Variants in EPS15L1 observed in about 807,000 individuals in gnomAD.
The protein encoded by EPS15L1 is epidermal growth factor receptor substrate 15-like 1.
In EPS15L1, 43 loss-of-function variants were observed where a neutral mutation model predicts 117.1. That is an observed-to-expected ratio of 0.37 (90% CI 0.29 to 0.47). EPS15L1 has a LOEUF of 0.47. Among genes scored for constraint, EPS15L1 ranks in the 20% least tolerant of loss-of-function variants. The pLI is 0.99. For missense variants in EPS15L1, 981 were observed against 1,164.0 expected (o/e 0.84, Z 2.29); for synonymous variants, 459 against 470.5 (o/e 0.98, Z 0.32).
At chr19:16,417,739 G>T in intron 11 of EPS15L1, 102 bp from the exon 12 acceptor site, 2 of 1,186,196 alleles carry the variant, frequency 1.7e-6, no homozygotes, top group Non-Finnish European at 2.5e-6. Flanking sequence ...TGTCCCTTTA[G>T]TACACAGGGT....
chr19:16,456,393 A>G (rs1168926323), intron 1 of EPS15L1, among the ~76,000 whole-genome samples: 3 of 152,000 alleles, frequency 2.0e-5, no homozygotes, highest in Non-Finnish European at 4.4e-5. Flanking sequence ...GTGGTGGCTC[A>G]CGCCTGTAAT....
At chr19:16,451,127 T>C (rs2093137657) in intron 1 of EPS15L1, among the ~76,000 whole-genome samples, 1 of 151,796 alleles carries the variant, frequency 6.6e-6, no homozygotes, top group Non-Finnish European at 1.5e-5. Flanking sequence ...GTTTTTATAC[T>C]TTTAGTAGAG....
intron 16 of EPS15L1, among the ~76,000 whole-genome samples, chr19:16,397,913 A>C (rs904282885): frequency 4.6e-5 from 7 of 152,196 alleles, no homozygotes; most frequent in African/African-American, 1.4e-4. Context: ...TATTAAAAAA[A>C]CAGCACAACA....
chr19:16,392,471 T>C (rs369267736), intron 18 of EPS15L1, 31 bp from the exon 19 acceptor site: 2 of 1,600,134 alleles, frequency 1.2e-6, no homozygotes, highest in African/African-American at 1.3e-5. Flanking sequence ...TAAGTAAACA[T>C]TATACCAAGT....
intron 7 of EPS15L1, among the ~76,000 whole-genome samples, chr19:16,432,241 C>T (rs1400219018): frequency 3.9e-5 from 6 of 152,068 alleles, no homozygotes; most frequent in African/African-American, 1.4e-4. Flanking sequence ...CAAGACTAGC[C>T]TGACCAACAT....
chr19:16,399,193 C>T (rs2092571713), intron 16 of EPS15L1, among the ~76,000 whole-genome samples: 1 of 152,074 alleles, frequency 6.6e-6, no homozygotes, highest in African/African-American at 2.4e-5. Context: ...AGCCTGAGAC[C>T]CCAGCAGGAT....
intron 17 of EPS15L1, among the ~76,000 whole-genome samples, chr19:16,394,264 G>C (rs1239714622): frequency 2.0e-5 from 3 of 152,208 alleles, no homozygotes; most frequent in Non-Finnish European, 4.4e-5. Flanking sequence ...ACACAGACTG[G>C]AGTTGGGGAA....
Position 16,402,362 on chromosome 19 carries a change from C to G in EPS15L1, c.1750G>C (p.Glu584Gln). The G allele has an allele frequency of 6.2e-7, 1 of 1,613,928 alleles. No individual in the cohort carries two copies. Among genetic ancestry groups the G allele is most frequent in the Non-Finnish European group, 8.5e-7 (1 of 1,179,922 alleles). ...ASLTDLANLS[E>Q]GVSLAERGSF... ...CCCCTCTCTGCCAGGGAGACGCCTT[C>G]GCTCAGGTTGGCCAGGTCGGTCAGG... is the stretch of plus-strand genomic sequence containing the variant. Residue 584 changes from glutamate to glutamine, a missense_variant, in exon 16 of 24, where the codon GAA becomes CAA. By Grantham distance (29) the Glu-to-Gln change is conservative. This residue lies in a region of EPS15L1 where 819 missense variants were observed against 949.0 expected (regional missense o/e 0.86). Coordinates refer to ENST00000455140, the MANE Select transcript of EPS15L1 (RefSeq NM_001258374.3).
intron 12 of EPS15L1, among the ~76,000 whole-genome samples, chr19:16,414,308 C>T (rs1315499366): frequency 6.6e-6 from 1 of 152,136 alleles, no homozygotes; most frequent in African/African-American, 2.4e-5. Context: ...GAAACAGATT[C>T]TTCCCCTAGA....
Position 16,437,851 on chromosome 19 carries a change from T to G in EPS15L1, c.228A>C (p.Ala76=), listed in dbSNP as rs1026936417. The G allele has an allele frequency of 1.3e-5, 21 of 1,613,766 alleles. No individual in the cohort carries two copies. The highest frequency in any genetic ancestry group is 1.6e-5 in the Non-Finnish European group (19 of 1,179,880). ...TCTGTGCACAGGCCACCAGTCTCAG[T>G]GCAACATAGAAACCCTGCAAGTCCA... The part of the protein sequence containing the change: ...GFLDKQGFYV[A]LRLVACAQSG... Residue 76 remains alanine (A), a synonymous_variant, in exon 5 of 24, where the codon GCA becomes GCC. Transcript: ENST00000455140.
At chr19:16,398,966 T>C (rs1489972734) in intron 16 of EPS15L1, among the ~76,000 whole-genome samples, 3 of 152,210 alleles carry the variant, frequency 2.0e-5, no homozygotes, top group Admixed American at 2.0e-4. Flanking sequence ...TGGCTCTATT[T>C]AGTTTTTAAT....
rs372091536 is a variant in EPS15L1 at position 16,360,682 on chromosome 19, G to A, written c.2586+1097C>T. Among the ~76,000 whole-genome samples, 81 of 152,268 alleles carry A rather than the reference G, an allele frequency of 5.3e-4. No individual in the cohort carries two copies. In the South Asian group the frequency reaches 0.016, roughly 30 times the overall value. ...GGATCGCTTGAGCCCAGGAATTCGA[G>A]GTTACAAGTGAGCTCTGATCGCGCC... On this transcript the variant is annotated intron_variant, in intron 23 of 23. Coordinates refer to ENST00000455140, the MANE Select transcript of EPS15L1 (RefSeq NM_001258374.3).
At chr19:16,440,381 C>T (rs1485172073) in intron 4 of EPS15L1, among the ~76,000 whole-genome samples, 1 of 151,792 alleles carries the variant, frequency 6.6e-6, no homozygotes, top group East Asian at 1.9e-4. Flanking sequence ...TGCAGTGAGC[C>T]GAGATTGCAC....
chr19:16,369,676 A>AGTGTGTGTGTGTGT (rs10543332), intron 22 of EPS15L1, among the ~76,000 whole-genome samples: 3,759 of 146,062 alleles, frequency 0.026, 108 homozygotes, highest in Admixed American at 0.078. Flanking sequence ...AAGAAAAAAA[A>AGTGTGTGTGTGTGT]GTGTGTGTGT....
intron 19 of EPS15L1, among the ~76,000 whole-genome samples, chr19:16,386,562 G>A (rs1320537034): frequency 6.6e-6 from 1 of 152,194 alleles, no homozygotes; most frequent in South Asian, 2.1e-4. Flanking sequence ...TTTCCATTCC[G>A]CCAGCTACAG....
chr19:16,378,961 C>T (rs1330302397), intron 21 of EPS15L1, among the ~76,000 whole-genome samples: 1 of 152,086 alleles, frequency 6.6e-6, no homozygotes, highest in Non-Finnish European at 1.5e-5. Context: ...AAAGAGATAA[C>T]ACTGCGACAG....
At chr19:16,447,630 G>C (rs1247143299) in intron 1 of EPS15L1, among the ~76,000 whole-genome samples, 1 of 151,948 alleles carries the variant, frequency 6.6e-6, no homozygotes, top group Non-Finnish European at 1.5e-5. Context: ...CATGGTGGCA[G>C]GTGCCTGTAA....
intron 1 of EPS15L1, among the ~76,000 whole-genome samples, chr19:16,449,353 C>T (rs2093118056): frequency 1.3e-5 from 2 of 152,160 alleles, no homozygotes; most frequent in African/African-American, 4.8e-5. Context: ...GGAAATATAG[C>T]AGATGGCAAA....
rs1473243949 is a variant in EPS15L1, at chr19:16,405,018, G to T, written c.1267-269C>A. On this transcript the variant is annotated intron_variant, in intron 13 of 23. Coordinates refer to ENST00000455140, the MANE Select transcript of EPS15L1 (RefSeq NM_001258374.3). This position sits in a 1 kb window ranked among gnomAD's most constrained non-coding sequence, Gnocchi z 4.0. ...GCGAGAGAAGGGGCTGGGTCCCTGT[G>T]AGAAAAAGGCCCCAGCTCCCGGATG... Among the ~76,000 whole-genome samples the T allele has an allele frequency of 6.6e-6, 1 of 152,242 alleles. No individual in the cohort carries two copies. Among genetic ancestry groups the T allele is most frequent in the Non-Finnish European group, 1.5e-5 (1 of 68,044 alleles).
Sources: gnomAD v4.1 joint callset for allele counts (sites outside exome capture counted in the v4.1 genomes callset) on GRCh38, gnomAD v4.1.1 for gene constraint, gnomAD v4.1.1 regional missense constraint, Gnocchi (gnomAD v3.1) non-coding constraint, MANE v1.5 for transcripts, NCBI Gene and HGNC (gene_info 2026-07-23, HGNC 2026-07-21) for gene names.